Variants in STARD13 observed in about 807,000 individuals in gnomAD.
The protein encoded by STARD13 is stAR-related lipid transfer protein 13.
STARD13 carries 62 observed loss-of-function variants against 106.4 expected under a neutral mutation model. The ratio of observed to expected loss-of-function variants is 0.58; its 90% CI spans 0.48 to 0.72. The LOEUF is 0.72. Among genes scored for constraint, STARD13 ranks in the 30% least tolerant of loss-of-function variants. STARD13 has a pLI of 0.00. For missense variants in STARD13, 1,387 were observed against 1,424.0 expected, an observed-to-expected ratio of 0.97 and a Z score of 0.42; for synonymous variants, 565 against 553.0, an observed-to-expected ratio of 1.02 and a Z score of -0.31.
the STARD13 span, among the ~76,000 whole-genome samples, chr13:33,662,423 G>A: frequency 6.6e-6 from 1 of 152,084 alleles, no homozygotes; most frequent in African/African-American, 2.4e-5. Flanking sequence ...TTTTGAAAAT[G>A]TTGTAATGGA....
the STARD13 span, among the ~76,000 whole-genome samples, chr13:33,669,374 T>G: frequency 1.4e-3 from 212 of 152,248 alleles, 1 homozygote; most frequent in Middle Eastern, 0.014. Context: ...TTAAACCTTA[T>G]CAGAGTATGC....
intron 1 of STARD13, among the ~76,000 whole-genome samples, chr13:33,324,704 T>A (rs1354492780): frequency 1.3e-5 from 2 of 152,224 alleles, no homozygotes; most frequent in Non-Finnish European, 2.9e-5. Context: ...TTATCTTCAA[T>A]TTTTAGCATT....
the STARD13 span, among the ~76,000 whole-genome samples, chr13:33,619,678 T>TA: frequency 6.6e-6 from 1 of 151,458 alleles, no homozygotes; most frequent in African/African-American, 2.4e-5. Context: ...GTAAGAAGAG[T>TA]AAAAAATAAA....
chr13:33,457,786 T>C, the STARD13 span, among the ~76,000 whole-genome samples: 3 of 152,216 alleles, frequency 2.0e-5, no homozygotes, highest in Admixed American at 2.0e-4. Flanking sequence ...CATAAGGGTT[T>C]CATTCTCATG....
intron 3 of STARD13, among the ~76,000 whole-genome samples, chr13:33,161,421 C>T (rs1251956804): frequency 1.3e-5 from 2 of 151,788 alleles, no homozygotes; most frequent in Non-Finnish European, 2.9e-5. Flanking sequence ...CTCAAGTGAT[C>T]CTCCCATCTC....
At chr13:33,593,359 A>G in the STARD13 span, among the ~76,000 whole-genome samples, 5 of 151,578 alleles carry the variant, frequency 3.3e-5, no homozygotes, top group Admixed American at 6.6e-5. Context: ...TAATTTTTCT[A>G]TTTTTAGTAG....
At chr13:33,442,345 T>C in the STARD13 span, among the ~76,000 whole-genome samples, 8 of 152,190 alleles carry the variant, frequency 5.3e-5, no homozygotes, top group Admixed American at 2.6e-4. Flanking sequence ...GAGCTACTCA[T>C]ACATTAATAA....
chr13:33,405,506 G>A, the STARD13 span, among the ~76,000 whole-genome samples: 1 of 152,244 alleles, frequency 6.6e-6, no homozygotes, highest in Admixed American at 6.5e-5. Flanking sequence ...TCTCTGCTCT[G>A]AGAATCGTTG....
intron 1 of STARD13, among the ~76,000 whole-genome samples, chr13:33,310,247 G>A (rs764530458): frequency 4.6e-5 from 7 of 152,166 alleles, no homozygotes; most frequent in East Asian, 3.9e-4. Context: ...TGGTTCTTCC[G>A]GCTGTCAATG....
chr13:33,573,097 G>A, the STARD13 span, among the ~76,000 whole-genome samples: 2 of 152,130 alleles, frequency 1.3e-5, no homozygotes, highest in South Asian at 2.1e-4. Context: ...CTACATGAAA[G>A]GTGATGGTGA....
the STARD13 span, among the ~76,000 whole-genome samples, chr13:33,637,989 C>T: frequency 6.6e-6 from 1 of 152,134 alleles, no homozygotes; most frequent in African/African-American, 2.4e-5. Flanking sequence ...ACTCAATTTT[C>T]CAGATTTCTT....
At chr13:33,550,094 A>C in the STARD13 span, among the ~76,000 whole-genome samples, 1 of 152,192 alleles carries the variant, frequency 6.6e-6, no homozygotes, top group Non-Finnish European at 1.5e-5. Context: ...ACATGACCTA[A>C]ACATTTTTAA....
Position 33,118,208 on chromosome 13 carries a change from A to C in STARD13, c.2138T>G (p.Met713Arg). 6.2e-7 allele frequency: 1 copy of C among 1,614,188 alleles called. No individual in the cohort carries two copies. The highest frequency in any genetic ancestry group is 1.1e-5 in the South Asian group (1 of 91,076). The stretch of plus-strand genomic sequence containing the variant: ...GACGTTCTCAGGGAAGTTTTCATTC[A>C]TTTGGCGAAGGGCATGGATTCGAGA... ...VKSRIHALRQ[M>R]NENFPENVNY... The change falls in exon 8 of 14, where the codon ATG (methionine) becomes AGG (arginine). Residue 713 changes from methionine to arginine, a missense_variant. Physicochemically the swap from Met to Arg is moderately conservative, Grantham distance 91. Coordinates refer to ENST00000336934, the MANE Select transcript of STARD13 (RefSeq NM_178006.4).
At chr13:33,283,517 T>A (rs1384229404) in intron 1 of STARD13, among the ~76,000 whole-genome samples, 1 of 152,240 alleles carries the variant, frequency 6.6e-6, no homozygotes, top group African/African-American at 2.4e-5. Flanking sequence ...AATCTTCTAA[T>A]ACAATAAACT....
chr13:33,519,293 TTCTCTCTC>T, the STARD13 span, among the ~76,000 whole-genome samples: 6 of 119,560 alleles, frequency 5.0e-5, no homozygotes, highest in Non-Finnish European at 1.0e-4. Flanking sequence ...CTTTCTTTCT[TTCTCTCTC>T]TCTTTCTTTC....
At chr13:33,301,558 CTTTTTT>C (rs1435191465) in intron 1 of STARD13, among the ~76,000 whole-genome samples, 13 of 13,040 alleles carry the variant, frequency 1.0e-3, no homozygotes, top group South Asian at 6.2e-3. Context: ...GTTTCTTTTT[CTTTTTT>C]TTTCTTTTTT....
intron 3 of STARD13, among the ~76,000 whole-genome samples, chr13:33,146,077 C>G (rs1648708368): frequency 6.6e-6 from 1 of 152,118 alleles, no homozygotes. Context: ...GTAATCCCAG[C>G]ACTTTGGGAG....
chr13:33,219,514 TTC>T (rs1888224231), intron 1 of STARD13, among the ~76,000 whole-genome samples: 1 of 91,970 alleles, frequency 1.1e-5, no homozygotes, highest in African/African-American at 5.7e-5. Flanking sequence ...GTGAGACTCC[TTC>T]TCAAAAAAAA....
the STARD13 span, among the ~76,000 whole-genome samples, chr13:33,455,224 C>A: frequency 6.6e-6 from 1 of 152,188 alleles, no homozygotes; most frequent in African/African-American, 2.4e-5. Context: ...CAGACACAAG[C>A]CTCAGACTCT....
Sources: allele counts gnomAD v4.1 joint callset (sites outside exome capture counted in the v4.1 genomes callset), GRCh38; gene constraint gnomAD v4.1.1; transcripts MANE v1.5; gene names NCBI Gene and HGNC (gene_info 2026-07-23, HGNC 2026-07-21).